Variants in ASIC2 observed in about 807,000 individuals in gnomAD.
ASIC2 encodes the protein acid-sensing ion channel 2.
ASIC2 carries 25 observed loss-of-function variants against 57.3 expected under a neutral mutation model. The observed-to-expected ratio is 0.44, with a 90% CI of 0.32 to 0.61. The LOEUF is 0.61. Among genes scored for constraint, ASIC2 ranks in the 20% least tolerant of loss-of-function variants. The probability of loss-of-function intolerance (pLI) is 0.06; values close to 1 mark genes in which losing one functional copy is unlikely to be tolerated. For missense variants in ASIC2, 641 were observed against 738.1 expected (o/e 0.87, Z 1.52); for synonymous variants, 319 against 307.5 (o/e 1.04, Z -0.39).
At chr17:33,769,193 G>T (rs1013292687) in intron 1 of ASIC2, among the ~76,000 whole-genome samples, 17 of 152,206 alleles carry the variant, frequency 1.1e-4, no homozygotes, top group Non-Finnish European at 8.8e-5. Flanking sequence ...CTAACACACT[G>T]CCATCCATTG....
intron 1 of ASIC2, among the ~76,000 whole-genome samples, chr17:33,139,888 C>G (rs2092380466): frequency 6.6e-6 from 1 of 152,202 alleles, no homozygotes; most frequent in Non-Finnish European, 1.5e-5. Context: ...TAATGCTAGT[C>G]CCTTCACGGT....
intron 1 of ASIC2, among the ~76,000 whole-genome samples, chr17:33,115,290 C>T (rs926124060): frequency 1.2e-4 from 18 of 152,134 alleles, no homozygotes; most frequent in Middle Eastern, 3.2e-3. Context: ...CAGAGGGAGA[C>T]TGAAGCCAAA....
At chr17:34,000,403 C>T (rs1394449657) in intron 1 of ASIC2, among the ~76,000 whole-genome samples, 1 of 152,050 alleles carries the variant, frequency 6.6e-6, no homozygotes, top group Non-Finnish European at 1.5e-5. Flanking sequence ...AGGCGTGTGC[C>T]ACCCCAAGCC....
chr17:33,709,160 G>A (rs752946412), intron 1 of ASIC2, among the ~76,000 whole-genome samples: 10 of 152,068 alleles, frequency 6.6e-5, no homozygotes, highest in African/African-American at 1.9e-4. Context: ...CTGTAACGCC[G>A]TAATCTTTCC....
chr17:33,692,904 T>A (rs1908418026), intron 1 of ASIC2, among the ~76,000 whole-genome samples: 2 of 152,224 alleles, frequency 1.3e-5, no homozygotes, highest in Admixed American at 6.5e-5. Context: ...CATTATGAGA[T>A]GCCTAATTGT....
intron 1 of ASIC2, among the ~76,000 whole-genome samples, chr17:33,496,603 GTTTTTTTTTTTTTTTT>G (rs61267122): frequency 8.5e-5 from 6 of 70,996 alleles, no homozygotes; most frequent in African/African-American, 1.9e-4. Flanking sequence ...GTTATTGTAG[GTTTTTTTTTTTTTTTT>G]TTTTTTTTTT....
intron 1 of ASIC2, among the ~76,000 whole-genome samples, chr17:34,151,989 T>C (rs186199825): frequency 1.4e-3 from 206 of 152,272 alleles, no homozygotes; most frequent in African/African-American, 4.6e-3. Flanking sequence ...AAAACTCACA[T>C]TCTTCACCTA....
intron 1 of ASIC2, among the ~76,000 whole-genome samples, chr17:33,304,049 G>A (rs993673827): frequency 6.6e-6 from 1 of 152,102 alleles, no homozygotes; most frequent in Non-Finnish European, 1.5e-5. Flanking sequence ...TCATAATAGA[G>A]GGAAAAAATA....
intron 1 of ASIC2, among the ~76,000 whole-genome samples, chr17:33,952,661 A>G (rs1274523655): frequency 6.6e-6 from 1 of 152,186 alleles, no homozygotes; most frequent in Non-Finnish European, 1.5e-5. Flanking sequence ...AGTCATTACA[A>G]TTTGGGCTTT....
At chr17:33,146,359 C>A (rs1397367369) in intron 1 of ASIC2, among the ~76,000 whole-genome samples, 1 of 152,152 alleles carries the variant, frequency 6.6e-6, no homozygotes, top group African/African-American at 2.4e-5. Context: ...GAAATTGACC[C>A]TCGGAGGGGT....
chr17:33,292,417 G>C lies in ASIC2; in HGVS notation c.-302C>G. 1 of 985,656 alleles carries C rather than the reference G, an allele frequency of 1.0e-6. No individual in the cohort carries two copies. The highest frequency in any genetic ancestry group is 1.2e-6 in the Non-Finnish European group (1 of 830,244). 61.1% of individuals were successfully genotyped at this position (985,656 alleles called of 1,614,324 possible). A position where few individuals can be genotyped will look rare whatever the true frequency, so the allele number is the denominator to read the frequency against. On this transcript the variant is annotated 5_prime_UTR_variant, in exon 1 of 10. Transcript: ENST00000225823. ...TCTTCCTGGAGGATGCCCGGCGCCC[G>C]GCACTACTTCTGGAGGGGTCCCACT...
At chr17:33,208,472 A>T (rs529514856) in intron 1 of ASIC2, among the ~76,000 whole-genome samples, 1 of 151,792 alleles carries the variant, frequency 6.6e-6, no homozygotes, top group East Asian at 2.0e-4. Context: ...GGACACCTTC[A>T]TTCTTGCTGG....
intron 1 of ASIC2, among the ~76,000 whole-genome samples, chr17:33,904,200 T>C (rs1915298101): frequency 1.4e-5 from 2 of 140,754 alleles, no homozygotes; most frequent in Admixed American, 1.4e-4. Context: ...ATTATAGCTA[T>C]GATGATGAGA....
chr17:33,161,595 A>C (rs1200985442), intron 1 of ASIC2, among the ~76,000 whole-genome samples: 1 of 152,194 alleles, frequency 6.6e-6, no homozygotes, highest in Non-Finnish European at 1.5e-5. Context: ...GCTTCCCACC[A>C]ATATAATGTA....
intron 1 of ASIC2, chr17:34,006,470 A>G (rs1435491813): frequency 9.2e-5 from 14 of 152,172 alleles, no homozygotes. Context: ...GACATGACTG[A>G]ATTTGAGTTT....
At chr17:33,689,840 T>A (rs1193854044) in intron 1 of ASIC2, among the ~76,000 whole-genome samples, 1 of 151,822 alleles carries the variant, frequency 6.6e-6, no homozygotes, top group Non-Finnish European at 1.5e-5. Context: ...AGAATTGGAG[T>A]GAGGTGGCCA....
intron 1 of ASIC2, among the ~76,000 whole-genome samples, chr17:33,633,662 A>C (rs1183993873): frequency 6.6e-6 from 1 of 152,192 alleles, no homozygotes; most frequent in Non-Finnish European, 1.5e-5. Flanking sequence ...ATGCACAGGG[A>C]TTGTGCCCAG....
Position 33,668,156 on chromosome 17 carries a change from G to T in ASIC2, c.555+487822C>A, listed in dbSNP as rs138845682. Reference sequence around the variant, plus strand: ...GCCTGCCCACATACCTCTCTGTCCAGCATAAAGCTCCCATTGCTCCCCCTG... The same window carrying T: ...GCCTGCCCACATACCTCTCTGTCCATCATAAAGCTCCCATTGCTCCCCCTG... On this transcript the variant is annotated intron_variant, in intron 1 of 9. Coordinates refer to the ASIC2 transcript ENST00000359872. Among the ~76,000 whole-genome samples, 518 of 151,872 alleles carry T rather than the reference G, an allele frequency of 3.4e-3. 8 individuals carry two copies. The highest frequency in any genetic ancestry group is 0.012 in the African/African-American group (494 of 41,448).
chr17:33,746,448 A>G (rs200840486), intron 1 of ASIC2, among the ~76,000 whole-genome samples: 3 of 101,636 alleles, frequency 3.0e-5, no homozygotes, highest in East Asian at 6.0e-4. Context: ...ATATATGTGT[A>G]TATATGTGTG....
Sources: gnomAD v4.1 joint callset for allele counts (sites outside exome capture counted in the v4.1 genomes callset) on GRCh38, gnomAD v4.1.1 for gene constraint, MANE v1.5 for transcripts, NCBI Gene and HGNC (gene_info 2026-07-23, HGNC 2026-07-21) for gene names.